PCDHGA3: variants seen among roughly 807,000 people sequenced by gnomAD.
PCDHGA3 encodes protocadherin gamma subfamily A, 3.
In PCDHGA3, 40 loss-of-function variants were observed where a neutral mutation model predicts 58.5. The observed-to-expected ratio is 0.68, with a 90% CI of 0.53 to 0.89. The LOEUF (loss-of-function observed/expected upper bound fraction) is 0.89. Ranked by LOEUF, PCDHGA3 falls within the 40% of genes least tolerant of loss-of-function variation. The pLI is 0.00. For missense variants in PCDHGA3, 1,223 were observed against 1,195.9 expected (o/e 1.02, Z -0.33); for synonymous variants, 530 against 525.7 (o/e 1.01, Z -0.11).
chr5:141,499,563 A>C (rs979866448), intron 2 of PCDHGA3, among the ~76,000 whole-genome samples: 3 of 152,242 alleles, frequency 2.0e-5, no homozygotes, highest in Non-Finnish European at 2.9e-5. Context: ...ACCACTATCC[A>C]GCTTCAACTA....
At position 141,345,510 on chromosome 5, in the gene PCDHGA3, G is replaced by A. The variant is rs778058001; in HGVS notation, c.1477G>A (p.Glu493Lys). The change falls in exon 1 of 4, where the codon GAG (glutamate) becomes AAG (lysine). Residue 493 changes from glutamate (E) to lysine (K), a missense_variant. Transcript: ENST00000253812. ...NNARITYALT[E>K]DTLQGAPLSS... ...CGCCCGCATCACTTATGCATTGACCGAGGACACTCTCCAGGGGGCGCCCCT... is the reference window on the plus strand; with the variant it reads ...CGCCCGCATCACTTATGCATTGACCAAGGACACTCTCCAGGGGGCGCCCCT... 10 of 1,613,982 alleles carry A rather than the reference G, an allele frequency of 6.2e-6. No individual in the cohort carries two copies. In the African/African-American group the frequency reaches 6.7e-5, roughly 11 times the overall value.
intron 1 of PCDHGA3, among the ~76,000 whole-genome samples, chr5:141,461,001 A>G (rs1309762345): frequency 4.0e-5 from 6 of 150,320 alleles, no homozygotes; most frequent in South Asian, 4.2e-4. Context: ...ATATATGTGT[A>G]TATATATATA....
intron 1 of PCDHGA3, chr5:141,411,291 C>G (rs2095478163): frequency 6.6e-6 from 1 of 152,158 alleles, no homozygotes; most frequent in South Asian, 2.1e-4. Context: ...ATTCAGAAGA[C>G]AGGCCCAGTG....
chr5:141,445,456 T>A (rs921684111), intron 1 of PCDHGA3, among the ~76,000 whole-genome samples: 8 of 152,218 alleles, frequency 5.3e-5, no homozygotes, highest in Non-Finnish European at 1.0e-4. Flanking sequence ...GATGCAGCAA[T>A]GAACAAGGCA....
At position 141,490,502 on chromosome 5, in the gene PCDHGA3, T is replaced by C. The variant is rs1408615048; in HGVS notation, c.2425-4305T>C. On this transcript the variant is annotated intron_variant, in intron 1 of 3. Transcript: ENST00000253812. The surrounding 1 kb of genome is among the most constrained non-coding windows in gnomAD (Gnocchi z 5.4). Reference sequence around the variant, plus strand: ...GACCGGGAGGCCACATCCCACTATATCATCGAGCTGCTGGCCAGCGATGCT... The same window carrying C: ...GACCGGGAGGCCACATCCCACTATACCATCGAGCTGCTGGCCAGCGATGCT... 1.2e-6 allele frequency: 2 copies of C among 1,614,094 alleles called. No individual in the cohort carries two copies. The highest frequency in any genetic ancestry group is 1.1e-5 in the South Asian group (1 of 91,076).
intron 2 of PCDHGA3, among the ~76,000 whole-genome samples, chr5:141,499,016 GGAAGGAA>G (rs2099788564): frequency 7.0e-6 from 1 of 143,496 alleles, no homozygotes; most frequent in Non-Finnish European, 1.5e-5. Flanking sequence ...AAGGAAGGAA[GGAAGGAA>G]GGAAGAAAAG....
At position 141,499,689 on chromosome 5, in the gene PCDHGA3, C is replaced by CTT. The variant is rs545067566; in HGVS notation, c.2483+4845_2483+4846dup. 4.8e-3 allele frequency among the ~76,000 whole-genome samples: 577 copies of CTT among 119,808 alleles called. 2 individuals carry two copies. Among genetic ancestry groups the CTT allele is most frequent in the Non-Finnish European group, 6.7e-3 (386 of 57,912 alleles). 78.6% of individuals were successfully genotyped at this position (119,808 alleles called of 152,430 possible). A position where few individuals can be genotyped will look rare whatever the true frequency, so the allele number is the denominator to read the frequency against. On this transcript the variant is annotated intron_variant, in intron 2 of 3. Coordinates refer to ENST00000253812, the MANE Select transcript of PCDHGA3 (RefSeq NM_018916.4). ...GGTCTCCACCATCTTTAACAGATGA[C>CTT]TTTTTTTTTTTTTTTTTTTTTTGGA...
chr5:141,469,283 T>C (rs576231993), intron 1 of PCDHGA3, among the ~76,000 whole-genome samples: 1 of 149,898 alleles, frequency 6.7e-6, no homozygotes, highest in African/African-American at 2.5e-5. Flanking sequence ...TCTCAAAAAA[T>C]AAAACAAAAT....
intron 1 of PCDHGA3, among the ~76,000 whole-genome samples, chr5:141,455,890 T>G (rs1055285369): frequency 1.3e-5 from 2 of 149,264 alleles, no homozygotes; most frequent in African/African-American, 2.4e-5. Flanking sequence ...TTTATTTATT[T>G]ATTTATTTAT....
At chr5:141,442,129 G>T in intron 1 of PCDHGA3, 1 of 165,104 alleles carries the variant, frequency 6.1e-6, no homozygotes, top group Non-Finnish European at 1.3e-5. Flanking sequence ...CCGACAGCCT[G>T]CAGGAGACTC....
chr5:141,347,137 CTCTTTCTTTCTTTCTT>C (rs70988799), intron 1 of PCDHGA3, among the ~76,000 whole-genome samples: 2,102 of 113,832 alleles, frequency 0.018, 34 homozygotes, highest in Non-Finnish European at 0.025. Flanking sequence ...CTCTGTTTCT[CTCTTTCTTTCTTTCTT>C]TCTTTCTTTC....
In PCDHGA3 at chr5:141,344,254, T is replaced by G. The variant is rs1229823738; in HGVS notation, c.221T>G (p.Leu74Arg). The change falls in exon 1 of 4, where the codon CTT becomes CGT. Residue 74 changes from leucine to arginine, a missense_variant. Coordinates refer to ENST00000253812, the MANE Select transcript of PCDHGA3 (RefSeq NM_018916.4). ...VRIVSRGRTQ[L>R]FSLNPQSGSL... ...ATCGTCTCCAGAGGTAGGACGCAGC[T>G]TTTCTCTCTGAATCCGCAAAGCGGC... 6.2e-7 allele frequency: 1 copy of G among 1,614,000 alleles called. No individual in the cohort carries two copies. The highest frequency in any genetic ancestry group is 1.7e-5 in the Admixed American group (1 of 60,022).
Position 141,372,073 on chromosome 5 carries a change from C to G in PCDHGA3, c.2424+25616C>G, listed in dbSNP as rs774208540. ...GTGGACGACCGCAACGACAATGCACCGCTGGTGCTGTACCCAGCTCTGGGG... is the reference window on the plus strand; with the variant it reads ...GTGGACGACCGCAACGACAATGCACGGCTGGTGCTGTACCCAGCTCTGGGG... On this transcript the variant is annotated intron_variant, in intron 1 of 3. Transcript: ENST00000253812. 4 of 1,613,648 alleles carry G rather than the reference C, an allele frequency of 2.5e-6. No individual in the cohort carries two copies. The South Asian group carries it at 4.4e-5, about 18-fold the overall frequency.
chr5:141,501,441 A>G (rs547792017), intron 2 of PCDHGA3, among the ~76,000 whole-genome samples: 1 of 151,898 alleles, frequency 6.6e-6, no homozygotes, highest in African/African-American at 2.4e-5. Context: ...CATTTCTTCC[A>G]TTTTTACTTT....
At chr5:141,492,241 C>T (rs1351937353) in intron 1 of PCDHGA3, among the ~76,000 whole-genome samples, 1 of 152,186 alleles carries the variant, frequency 6.6e-6, no homozygotes, top group African/African-American at 2.4e-5. Flanking sequence ...TGCTGGCCAC[C>T]CCCACGGCCC....
chr5:141,487,516 G>A lies in PCDHGA3; in HGVS notation c.2425-7291G>A, dbSNP rs2099648095. On this transcript the variant is annotated intron_variant, in intron 1 of 3. Coordinates refer to ENST00000253812, the MANE Select transcript of PCDHGA3 (RefSeq NM_018916.4). The surrounding 1 kb of genome is among the most constrained non-coding windows in gnomAD (Gnocchi z 5.0). ...CACCCTTGGCTTCTGCACCCACTCG[G>A]AGTGATAGCTTCATGATGGTGAAGT... 6.2e-7 allele frequency: 1 copy of A among 1,614,078 alleles called. No individual in the cohort carries two copies. The highest frequency in any genetic ancestry group is 1.7e-5 in the Admixed American group (1 of 60,010).
At chr5:141,347,137 C>CTCTCTCTTTCTTTCTT (rs375338309) in intron 1 of PCDHGA3, among the ~76,000 whole-genome samples, 26 of 113,744 alleles carry the variant, frequency 2.3e-4, no homozygotes, top group African/African-American at 9.6e-4. Flanking sequence ...CTCTGTTTCT[C>CTCTCTCTTTCTTTCTT]TCTTTCTTTC....
chr5:141,415,819 T>C, intron 1 of PCDHGA3: 1 of 1,328,322 alleles, frequency 7.5e-7, no homozygotes, highest in Admixed American at 3.5e-5. Context: ...CTATATATCA[T>C]AAGGCTTTGT....
intron 1 of PCDHGA3, among the ~76,000 whole-genome samples, chr5:141,444,400 A>G (rs1400847351): frequency 1.3e-5 from 2 of 151,536 alleles, no homozygotes; most frequent in Admixed American, 6.6e-5. Flanking sequence ...TGAACTCCCA[A>G]CCTCAGGTGA....
Sources: gnomAD v4.1 joint callset for allele counts (sites outside exome capture counted in the v4.1 genomes callset) on GRCh38, gnomAD v4.1.1 for gene constraint, Gnocchi (gnomAD v3.1) non-coding constraint, MANE v1.5 for transcripts, NCBI Gene and HGNC (gene_info 2026-07-23, HGNC 2026-07-21) for gene names.